The following PIWIL4 variants were observed in gnomAD, a reference collection of about 807,000 sequenced individuals.
The protein encoded by PIWIL4 is piwi like RNA-mediated gene silencing 4, also known as piwi-like protein 4.
In PIWIL4, 50 loss-of-function variants were observed where a neutral mutation model predicts 100.9. The ratio of observed to expected loss-of-function variants is 0.50; its 90% confidence interval spans 0.39 to 0.63. The LOEUF is 0.63. PIWIL4 is among the 20% of genes least tolerant of loss of function. The pLI is 0.00. For synonymous variants in PIWIL4, 342 were observed against 367.5 expected, an observed-to-expected ratio of 0.93 and a Z score of 0.79; for missense variants, 887 against 1,043.3, an observed-to-expected ratio of 0.85 and a Z score of 2.06.
In PIWIL4 at chr11:94,596,570, T is replaced by C. The variant is rs147191973; in HGVS notation, c.1268+1144T>C. Reference sequence around the variant, plus strand: ...TCCATATGATAAACATGATCTCTATTATCATGCTAGTGTTTTCATAGTTTT... The same window carrying C: ...TCCATATGATAAACATGATCTCTATCATCATGCTAGTGTTTTCATAGTTTT... On this transcript the variant is annotated intron_variant, in intron 10 of 19. Transcript: ENST00000299001. Among the ~76,000 whole-genome samples the C allele has an allele frequency of 2.9e-3, 438 of 152,304 alleles. 4 individuals are homozygous for C. The highest frequency in any genetic ancestry group is 0.01 in the African/African-American group (417 of 41,556).
At chr11:94,619,042 G>T (rs576035549) in intron 17 of PIWIL4, among the ~76,000 whole-genome samples, 13 of 152,310 alleles carry the variant, frequency 8.5e-5, no homozygotes, top group South Asian at 6.2e-4. Context: ...AGCTGACAGT[G>T]CTAAGGAGTT....
chr11:94,620,386 T>C (rs1190125458), intron 19 of PIWIL4, among the ~76,000 whole-genome samples: 1 of 152,252 alleles, frequency 6.6e-6, no homozygotes, highest in Non-Finnish European at 1.5e-5. Context: ...TTACAGTTTC[T>C]AGACGACTTT....
At chr11:94,576,875 A>G (rs1948244865) in intron 3 of PIWIL4, among the ~76,000 whole-genome samples, 1 of 152,248 alleles carries the variant, frequency 6.6e-6, no homozygotes, top group Non-Finnish European at 1.5e-5. Flanking sequence ...TTGTATATTC[A>G]TAGTAAGAAC....
Position 94,595,384 on chromosome 11 carries a change from G to A in PIWIL4, c.1226G>A (p.Gly409Asp), listed in dbSNP as rs373512883. Residue 409 changes from glycine to aspartate, a missense_variant, in exon 10 of 20, where the codon GGC (glycine) becomes GAC (aspartate). Physicochemically the swap from Gly to Asp is moderately conservative, Grantham distance 94. Coordinates refer to ENST00000299001, the MANE Select transcript of PIWIL4 (RefSeq NM_152431.3). The part of the protein sequence containing the change: ...VAEKTRLSPS[G>D]RQQRLARLVD... Reference sequence around the variant, plus strand: ...GAAAAGACACGTCTCAGTCCTTCAGGCCGGCAGCAGCGCCTGGCCAGGCTT... The same window carrying A: ...GAAAAGACACGTCTCAGTCCTTCAGACCGGCAGCAGCGCCTGGCCAGGCTT... 1 of 1,613,920 alleles carries A rather than the reference G, an allele frequency of 6.2e-7. No homozygotes were observed. Among genetic ancestry groups the A allele is most frequent in the African/African-American group, 1.3e-5 (1 of 75,060 alleles).
chr11:94,593,533 G>A lies in PIWIL4; in HGVS notation c.1042G>A (p.Val348Ile), dbSNP rs147602287. ...CATTTTATAGCAGTATGATATTACT[G>A]TATCGGACCTGAATCAGCCCATGCT... ...DYYKQQYDIT[V>I]SDLNQPMLVS... The change falls in exon 9 of 20, where the codon GTA (valine) becomes ATA (isoleucine). Residue 348 changes from valine to isoleucine, a missense_variant. Physicochemically the swap from Val to Ile is conservative, Grantham distance 29 (BLOSUM62 3). This residue lies in a region of PIWIL4 where 741 missense variants were observed against 930.0 expected (regional missense o/e 0.80). Coordinates refer to ENST00000299001, the MANE Select transcript of PIWIL4 (RefSeq NM_152431.3). 3.8e-5 allele frequency: 61 copies of A among 1,613,440 alleles called. No homozygotes were observed. The East Asian group carries it at 1.4e-3, about 36-fold the overall frequency.
At chr11:94,590,317 C>T (rs971781740) in intron 8 of PIWIL4, among the ~76,000 whole-genome samples, 1 of 152,142 alleles carries the variant, frequency 6.6e-6, no homozygotes, top group Non-Finnish European at 1.5e-5. Flanking sequence ...CCTCTCCCAC[C>T]GGCTGGAACT....
intron 5 of PIWIL4, among the ~76,000 whole-genome samples, chr11:94,585,021 C>A (rs1454736942): frequency 1.3e-5 from 2 of 152,096 alleles, no homozygotes; most frequent in Non-Finnish European, 2.9e-5. Flanking sequence ...GCTGAGATCA[C>A]GCCATTGCAC....
intron 17 of PIWIL4, among the ~76,000 whole-genome samples, chr11:94,619,269 A>G (rs1948879497): frequency 6.6e-6 from 1 of 152,204 alleles, no homozygotes; most frequent in African/African-American, 2.4e-5. Flanking sequence ...TGGCCAGAAC[A>G]TATATTTGGT....
chr11:94,587,892 A>G lies in PIWIL4; in HGVS notation c.914+645A>G, dbSNP rs554655102. Among the ~76,000 whole-genome samples, 3 of 145,862 alleles carry G rather than the reference A, an allele frequency of 2.1e-5. No homozygotes were observed. In the South Asian group the frequency reaches 6.6e-4, roughly 32 times the overall value. ...GAGCTGAGTTAAACACGGAAAATTT[A>G]GATGACTTCCTGAGTACTAAAAAGC... On this transcript the variant is annotated intron_variant, in intron 7 of 19. Transcript: ENST00000299001.
intron 17 of PIWIL4, 98 bp from the exon 18 acceptor site, chr11:94,619,662 T>C (rs1591808839): frequency 3.0e-6 from 4 of 1,332,708 alleles, no homozygotes; most frequent in African/African-American, 1.5e-5. Flanking sequence ...GTTTTTCAAA[T>C]GGAATTTTTA....
chr11:94,580,635 T>TA (rs36110225), intron 4 of PIWIL4, among the ~76,000 whole-genome samples: 35,871 of 152,138 alleles, frequency 0.24, 4,518 homozygotes, highest in East Asian at 0.29. Flanking sequence ...CAATTTCGAA[T>TA]AAAAGTTCTT....
At chr11:94,612,314 GGT>G (rs1491187167) in intron 15 of PIWIL4, among the ~76,000 whole-genome samples, 1 of 90,108 alleles carries the variant, frequency 1.1e-5, no homozygotes, top group African/African-American at 6.3e-5. Context: ...ATTTTTGTGA[GGT>G]TTTTTTTTTT....
intron 13 of PIWIL4, among the ~76,000 whole-genome samples, chr11:94,606,995 T>C (rs1202921465): frequency 6.6e-6 from 1 of 152,150 alleles, no homozygotes; most frequent in Non-Finnish European, 1.5e-5. Flanking sequence ...AAGCTAATTC[T>C]CAACTTTGGC....
chr11:94,610,196 A>G (rs1186994366), intron 15 of PIWIL4, among the ~76,000 whole-genome samples: 1 of 151,002 alleles, frequency 6.6e-6, no homozygotes, highest in Non-Finnish European at 1.5e-5. Context: ...TGCAAATGGC[A>G]GGATTTTCTT....
At chr11:94,569,410 C>T (rs1377727541) in intron 2 of PIWIL4, among the ~76,000 whole-genome samples, 1 of 150,984 alleles carries the variant, frequency 6.6e-6, no homozygotes, top group Non-Finnish European at 1.5e-5. Context: ...TGGAGTTTTG[C>T]TCTTGTTGTC....
chr11:94,585,291 A>G (rs1948383069), intron 5 of PIWIL4, among the ~76,000 whole-genome samples, 154 bp from the exon 6 acceptor site: 1 of 152,252 alleles, frequency 6.6e-6, no homozygotes, highest in Non-Finnish European at 1.5e-5. Flanking sequence ...AGACATTCAT[A>G]TGTATATTTA....
chr11:94,612,542 T>A (rs966799778), intron 15 of PIWIL4, among the ~76,000 whole-genome samples: 1 of 152,168 alleles, frequency 6.6e-6, no homozygotes, highest in African/African-American at 2.4e-5. Context: ...CCATTTACAT[T>A]TAAAATATTG....
chr11:94,575,854 G>A (rs1948229160), intron 3 of PIWIL4, among the ~76,000 whole-genome samples: 1 of 152,168 alleles, frequency 6.6e-6, no homozygotes, highest in South Asian at 2.1e-4. Flanking sequence ...CGATCTTGAA[G>A]GGTCTTTCCG....
chr11:94,601,351 G>A (rs560286968), intron 11 of PIWIL4, among the ~76,000 whole-genome samples: 29 of 144,924 alleles, frequency 2.0e-4, no homozygotes, highest in African/African-American at 7.1e-4. Context: ...GTTCTGTAGG[G>A]TGTGTTAGTT....
Sources: gnomAD v4.1 joint callset for allele counts (sites outside exome capture counted in the v4.1 genomes callset) on GRCh38, gnomAD v4.1.1 for gene constraint, gnomAD v4.1.1 regional missense constraint, MANE v1.5 for transcripts, NCBI Gene and HGNC (gene_info 2026-07-23, HGNC 2026-07-21) for gene names.